The following DENND1A variants were observed in gnomAD, a reference collection of about 807,000 sequenced individuals.
The protein encoded by DENND1A is DENN domain-containing protein 1A.
DENND1A carries 51 observed loss-of-function variants against 113.7 expected under a neutral mutation model. That is an observed-to-expected ratio of 0.45 (90% CI 0.36 to 0.57). The LOEUF is 0.57. DENND1A is among the 20% of genes least tolerant of loss of function. The probability of loss-of-function intolerance (pLI) is 0.00; values close to 1 mark genes in which losing one functional copy is unlikely to be tolerated. For missense variants in DENND1A, 1,258 were observed against 1,395.9 expected (o/e 0.90, Z 1.57); for synonymous variants, 565 against 570.8 (o/e 0.99, Z 0.14).
At chr9:123,633,279 T>A (rs2061559519) in intron 9 of DENND1A, among the ~76,000 whole-genome samples, 2 of 152,160 alleles carry the variant, frequency 1.3e-5, no homozygotes, top group African/African-American at 4.8e-5. Context: ...TACAGGAAGA[T>A]CCTGTCCTCA....
At chr9:123,657,011 T>C (rs532027577) in intron 8 of DENND1A, among the ~76,000 whole-genome samples, 1 of 152,304 alleles carries the variant, frequency 6.6e-6, no homozygotes, top group East Asian at 1.9e-4. Context: ...CCACACTCTC[T>C]AGGGCTGGGT....
chr9:123,854,513 T>C (rs560720598), intron 2 of DENND1A, among the ~76,000 whole-genome samples: 3 of 151,872 alleles, frequency 2.0e-5, no homozygotes, highest in Non-Finnish European at 4.4e-5. Flanking sequence ...CTGGCCAACA[T>C]AGTAAAACCT....
intron 21 of DENND1A, among the ~76,000 whole-genome samples, chr9:123,396,812 A>T (rs1208537014): frequency 1.3e-5 from 2 of 152,194 alleles, no homozygotes; most frequent in Admixed American, 1.3e-4. Context: ...TGCCAGTCAC[A>T]TGTTTCTCTG....
intron 13 of DENND1A, among the ~76,000 whole-genome samples, chr9:123,483,307 G>A (rs1020555046): frequency 2.0e-5 from 3 of 152,202 alleles, no homozygotes; most frequent in African/African-American, 7.2e-5. Context: ...CCTACCCCAA[G>A]AGCAGGGGCT....
chr9:123,581,073 T>C (rs2058866357), intron 12 of DENND1A, among the ~76,000 whole-genome samples: 1 of 151,856 alleles, frequency 6.6e-6, no homozygotes, highest in Non-Finnish European at 1.5e-5. Flanking sequence ...AGACACCTAG[T>C]AGGGCAGAGG....
intron 13 of DENND1A, among the ~76,000 whole-genome samples, chr9:123,529,622 A>G (rs1017713222): frequency 6.6e-6 from 1 of 152,246 alleles, no homozygotes; most frequent in Non-Finnish European, 1.5e-5. Context: ...AAGGAACTAA[A>G]GTTTTCTTTC....
rs968066445 is a variant in DENND1A at position 123,691,827 on chromosome 9, G to C, written c.303-15038C>G. ...GTGAAAGTCCTCAAGGAAGAAGGAG[G>C]TTCCAAAAATGAGGGCCTCCGTCAG... On this transcript the variant is annotated intron_variant, in intron 5 of 23. Coordinates refer to ENST00000394215, the MANE Select transcript of DENND1A (RefSeq NM_001352964.2). Among the ~76,000 whole-genome samples, 70 of 152,254 alleles carry C rather than the reference G, an allele frequency of 4.6e-4. 1 individual carries two copies. Among genetic ancestry groups the C allele is most frequent in the Admixed American group, 1.0e-3 (16 of 15,296 alleles).
chr9:123,587,216 C>A (rs1029510421), intron 11 of DENND1A, among the ~76,000 whole-genome samples: 2 of 152,088 alleles, frequency 1.3e-5, no homozygotes, highest in African/African-American at 4.8e-5. Flanking sequence ...TGAAGTAATT[C>A]TTTAACATAG....
At chr9:123,672,238 C>A (rs186895402) in intron 6 of DENND1A, among the ~76,000 whole-genome samples, 1 of 152,100 alleles carries the variant, frequency 6.6e-6, no homozygotes, top group Non-Finnish European at 1.5e-5. Context: ...GTGAATTTAA[C>A]GAAAGGAAAA....
chr9:123,728,479 CAAAAAAAAAA>C (rs60761810), intron 5 of DENND1A, among the ~76,000 whole-genome samples: 25 of 25,182 alleles, frequency 9.9e-4, no homozygotes, highest in African/African-American at 1.8e-3. Flanking sequence ...CTCTGTCTCC[CAAAAAAAAAA>C]AAAAAAAAAA....
intron 13 of DENND1A, among the ~76,000 whole-genome samples, chr9:123,534,557 T>G (rs2055576468): frequency 6.6e-6 from 1 of 152,220 alleles, no homozygotes; most frequent in Non-Finnish European, 1.5e-5. Flanking sequence ...AATGCCAAAT[T>G]GTTTTCCAAA....
intron 2 of DENND1A, among the ~76,000 whole-genome samples, chr9:123,834,602 G>A (rs915804030): frequency 3.3e-5 from 5 of 152,086 alleles, no homozygotes; most frequent in Non-Finnish European, 5.9e-5. Flanking sequence ...CATGCATACG[G>A]GTTTTAAAGG....
intron 13 of DENND1A, among the ~76,000 whole-genome samples, chr9:123,544,975 G>A (rs1564689358): frequency 6.6e-6 from 1 of 152,018 alleles, no homozygotes; most frequent in African/African-American, 2.4e-5. Context: ...GCGGGCGCCT[G>A]TAGTCCTAGC....
At chr9:123,620,742 T>C (rs986576528) in intron 10 of DENND1A, among the ~76,000 whole-genome samples, 2 of 152,146 alleles carry the variant, frequency 1.3e-5, no homozygotes, top group African/African-American at 4.8e-5. Context: ...CTTCCCTTCC[T>C]CTTCTGTCTG....
chr9:123,654,785 C>T (rs2062843572), intron 8 of DENND1A, among the ~76,000 whole-genome samples: 1 of 152,244 alleles, frequency 6.6e-6, no homozygotes, highest in African/African-American at 2.4e-5. Context: ...TCCCCTGCCT[C>T]TTTCCTTCTG....
intron 9 of DENND1A, among the ~76,000 whole-genome samples, chr9:123,633,954 A>G (rs2061592467): frequency 6.6e-6 from 1 of 152,226 alleles, no homozygotes; most frequent in African/African-American, 2.4e-5. Context: ...TTCAAAATCT[A>G]CAAGGTCCCA....
At chr9:123,437,202 A>C (rs2046588183) in intron 19 of DENND1A, among the ~76,000 whole-genome samples, 1 of 152,208 alleles carries the variant, frequency 6.6e-6, no homozygotes, top group Non-Finnish European at 1.5e-5. Context: ...GAACTTATTT[A>C]TCTTACACAT....
chr9:123,755,114 T>C (rs1589949849), intron 5 of DENND1A, among the ~76,000 whole-genome samples: 3 of 148,276 alleles, frequency 2.0e-5, no homozygotes, highest in African/African-American at 7.6e-5. Flanking sequence ...GGTCCAGTTA[T>C]ACACAGATTT....
At chr9:123,419,625 C>T (rs749034250) in intron 19 of DENND1A, among the ~76,000 whole-genome samples, 2 of 152,216 alleles carry the variant, frequency 1.3e-5, no homozygotes, top group African/African-American at 2.4e-5. Context: ...TTACAAAGGG[C>T]CTCTGCGCCG....
Sources: allele counts gnomAD v4.1 joint callset (sites outside exome capture counted in the v4.1 genomes callset), GRCh38; gene constraint gnomAD v4.1.1; transcripts MANE v1.5; gene names NCBI Gene and HGNC (gene_info 2026-07-23, HGNC 2026-07-21).